Variants in PBX1 observed in about 807,000 individuals in gnomAD.
PBX1 encodes PBX homeobox 1.
In PBX1, 6 loss-of-function variants were observed where a neutral mutation model predicts 53.4. The observed-to-expected ratio is 0.11, with a 90% CI of 0.06 to 0.22. The LOEUF (loss-of-function observed/expected upper bound fraction) is 0.22, where lower values mean the gene tolerates loss of function less well. Among genes scored for constraint, PBX1 ranks in the 10% least tolerant of loss-of-function variants. The pLI is 1.00. For synonymous variants in PBX1, 204 were observed against 212.3 expected (o/e 0.96, Z 0.34); for missense variants, 251 against 551.4 (o/e 0.46, Z 5.46).
chr1:164,875,988 G>GTGTATATA (rs776802784), intron 2 of PBX1, among the ~76,000 whole-genome samples: 5 of 56,936 alleles, frequency 8.8e-5, no homozygotes, highest in Admixed American at 2.3e-4. Flanking sequence ...TGGTGTATGT[G>GTGTATATA]TATATATATA....
At chr1:164,667,345 C>T (rs1660861649) in intron 2 of PBX1, among the ~76,000 whole-genome samples, 1 of 151,008 alleles carries the variant, frequency 6.6e-6, no homozygotes, top group Admixed American at 6.6e-5. Flanking sequence ...TATATACACA[C>T]AAATATATAA....
chr1:164,655,674 C>T (rs1660125346), intron 2 of PBX1, among the ~76,000 whole-genome samples: 2 of 152,184 alleles, frequency 1.3e-5, no homozygotes, highest in African/African-American at 4.8e-5. Context: ...TGATCTGGAA[C>T]TTCAGTTGAC....
chr1:164,773,271 A>ACACACACACACACG (rs1310649662), intron 2 of PBX1, among the ~76,000 whole-genome samples: 3 of 151,800 alleles, frequency 2.0e-5, no homozygotes, highest in Non-Finnish European at 4.4e-5. Flanking sequence ...ACACACACAC[A>ACACACACACACACG]CAGAGTTTTT....
chr1:164,610,809 C>T (rs183412456), intron 2 of PBX1, among the ~76,000 whole-genome samples: 1 of 152,264 alleles, frequency 6.6e-6, no homozygotes, highest in Admixed American at 6.5e-5. Context: ...TTTGCATGCT[C>T]CCCTCTCCTT....
At chr1:164,745,010 C>T (rs1298854636) in intron 2 of PBX1, among the ~76,000 whole-genome samples, 3 of 152,126 alleles carry the variant, frequency 2.0e-5, no homozygotes, top group Non-Finnish European at 4.4e-5. Flanking sequence ...AACAGACTTG[C>T]AAAGTACTGT....
chr1:164,848,500 A>G lies in PBX1; in HGVS notation c.*1824A>G. 1 of 1,059,214 alleles carries G rather than the reference A, an allele frequency of 9.4e-7. No homozygotes were observed. Among genetic ancestry groups the G allele is most frequent in the Non-Finnish European group, 1.1e-6 (1 of 875,446 alleles). The allele number at this position is 1,059,214 out of a possible 1,614,324, so 65.6% of individuals were successfully genotyped here. A position where few individuals can be genotyped will look rare whatever the true frequency, so the allele number is the denominator to read the frequency against. On this transcript the variant is annotated 3_prime_UTR_variant, in exon 9 of 9. Transcript: ENST00000420696. Reference sequence around the variant, plus strand: ...AAACGGGTTCATGCCATCTAGGGACAATAAATGGTTTTCTTGTTGTAACTT... The same window carrying G: ...AAACGGGTTCATGCCATCTAGGGACGATAAATGGTTTTCTTGTTGTAACTT...
At chr1:164,701,605 C>T (rs187658657) in intron 2 of PBX1, among the ~76,000 whole-genome samples, 59 of 152,340 alleles carry the variant, frequency 3.9e-4, no homozygotes, top group African/African-American at 1.3e-3. Context: ...ACTACCTCTT[C>T]CTTCACACTC....
chr1:164,872,238 A>T (rs1041160911), intron 2 of PBX1, among the ~76,000 whole-genome samples: 6 of 152,228 alleles, frequency 3.9e-5, no homozygotes, highest in African/African-American at 1.4e-4. Context: ...GGCCCCGACC[A>T]TTCCAGTGGT....
At chr1:164,855,152 C>T (rs142486612), downstream of PBX1, among the ~76,000 whole-genome samples, 1,611 of 152,140 alleles carry the variant, frequency 0.011, 21 homozygotes, top group Non-Finnish European at 0.017. Flanking sequence ...TGCCATGTTG[C>T]TCAAGCTGGT....
At chr1:164,857,094 T>C (rs921206787) in intron 2 of PBX1, among the ~76,000 whole-genome samples, 2 of 152,140 alleles carry the variant, frequency 1.3e-5, no homozygotes, top group African/African-American at 4.8e-5. Context: ...AGCTTCAGAC[T>C]CCTAAGGTTT....
chr1:164,846,812 C>G lies in PBX1; in HGVS notation c.*136C>G. On this transcript the variant is annotated 3_prime_UTR_variant, in exon 9 of 9. Coordinates refer to ENST00000420696, the MANE Select transcript of PBX1 (RefSeq NM_002585.4). ...GCAAACACAATAAGAGTCTCCTTCT[C>G]TTCTCTTCTTTGGGATGCTATTTCA... is the stretch of plus-strand genomic sequence containing the variant. 6.6e-7 allele frequency: 1 copy of G among 1,514,648 alleles called. No homozygotes were observed. Among genetic ancestry groups the G allele is most frequent in the South Asian group, 1.3e-5 (1 of 79,140 alleles). The allele number at this position is 1,514,648 out of a possible 1,614,324, so 93.8% of individuals were successfully genotyped here.
At chr1:164,575,675 C>G (rs1054688417) in intron 2 of PBX1, among the ~76,000 whole-genome samples, 1 of 152,190 alleles carries the variant, frequency 6.6e-6, no homozygotes, top group Admixed American at 6.5e-5. Context: ...CTGAAAGGCA[C>G]TCTATGGATA....
rs1487676214 is a variant in PBX1 at position 164,876,005 on chromosome 1, T to TATATATATATATATATATATATATATAC, written n.258-23182_258-23181insTATATATATATATATATATATATATACA. 1.5e-3 allele frequency among the ~76,000 whole-genome samples: 83 copies of TATATATATATATATATATATATATATAC among 56,790 alleles called. 1 individual carries two copies. The highest frequency in any genetic ancestry group is 3.5e-3 in the East Asian group (3 of 850). The allele number at this position is 56,790 out of a possible 152,430, so 37.3% of individuals were successfully genotyped here. ...GTGTATGTGTATATATATATATATA[T>TATATATATATATATATATATATATATAC]ACACACATACACCAAATGGTTTTTT... On this transcript the variant is annotated intron_variant and non_coding_transcript_variant, in intron 2 of 2. Coordinates refer to the PBX1 transcript ENST00000558796.
chr1:164,875,037 C>T (rs927943100), intron 2 of PBX1, among the ~76,000 whole-genome samples: 3 of 152,138 alleles, frequency 2.0e-5, no homozygotes, highest in Non-Finnish European at 4.4e-5. Context: ...AGAAATACAA[C>T]GACTTTTGAA....
At chr1:164,693,552 T>C (rs7551648) in intron 2 of PBX1, among the ~76,000 whole-genome samples, 152,034 of 152,210 alleles carry the variant, frequency 1, 75,930 homozygotes, top group Middle Eastern at 1. Flanking sequence ...CTACCACACC[T>C]GACACTCCCC....
At chr1:164,882,987 T>C (rs1672696491) in intron 2 of PBX1, among the ~76,000 whole-genome samples, 1 of 152,218 alleles carries the variant, frequency 6.6e-6, no homozygotes, top group South Asian at 2.1e-4. Context: ...TGAGGAATTA[T>C]AAAAGCTACC....
intron 2 of PBX1, among the ~76,000 whole-genome samples, chr1:164,757,538 G>A (rs1284089047): frequency 6.6e-6 from 1 of 152,110 alleles, no homozygotes; most frequent in Admixed American, 6.5e-5. Context: ...TACTGAAAGA[G>A]GTTTAAGGTG....
chr1:164,774,719 G>A (rs1389311618), intron 2 of PBX1: 1 of 152,138 alleles, frequency 6.6e-6, no homozygotes, highest in African/African-American at 2.4e-5. Context: ...GGCATCAGCT[G>A]GAATCTGATT....
intron 2 of PBX1, among the ~76,000 whole-genome samples, chr1:164,637,415 G>A (rs902698600): frequency 7.9e-5 from 12 of 152,174 alleles, no homozygotes; most frequent in East Asian, 1.9e-4. Flanking sequence ...GGGGCTGGTC[G>A]GACGGTGGCT....
Sources: allele counts gnomAD v4.1 joint callset (sites outside exome capture counted in the v4.1 genomes callset), GRCh38; gene constraint gnomAD v4.1.1; transcripts MANE v1.5; gene names NCBI Gene and HGNC (gene_info 2026-07-23, HGNC 2026-07-21).